DGKI: variants seen among roughly 807,000 people sequenced by gnomAD.
The protein encoded by DGKI is DAG kinase iota.
A neutral mutation model predicts 147.5 loss-of-function variants in DGKI; 55 were observed. The ratio of observed to expected loss-of-function variants is 0.37; its 90% CI spans 0.30 to 0.47. The LOEUF (loss-of-function observed/expected upper bound fraction) is 0.47. Among genes scored for constraint, DGKI ranks in the 20% least tolerant of loss-of-function variants. The pLI is 1.00. For synonymous variants in DGKI, 469 were observed against 477.1 expected (o/e 0.98, Z 0.22); for missense variants, 1,007 against 1,323.8 (o/e 0.76, Z 3.71).
At chr7:137,581,290 T>C (rs1447777480) in intron 15 of DGKI, among the ~76,000 whole-genome samples, 1 of 152,164 alleles carries the variant, frequency 6.6e-6, no homozygotes, top group Non-Finnish European at 1.5e-5. Flanking sequence ...GGATCCCTAG[T>C]ACCTTCCTAA....
chr7:137,713,677 T>C (rs1794283978), intron 1 of DGKI, among the ~76,000 whole-genome samples: 1 of 152,186 alleles, frequency 6.6e-6, no homozygotes, highest in South Asian at 2.1e-4. Flanking sequence ...GGTCTCTTTT[T>C]GTCACTCAAG....
At chr7:137,518,880 G>T (rs1434167725) in intron 21 of DGKI, among the ~76,000 whole-genome samples, 1 of 151,998 alleles carries the variant, frequency 6.6e-6, no homozygotes, top group Non-Finnish European at 1.5e-5. Flanking sequence ...GGACCCACTT[G>T]TATACTTCTG....
At chr7:137,609,871 T>C (rs1820308699) in intron 8 of DGKI, among the ~76,000 whole-genome samples, 1 of 151,972 alleles carries the variant, frequency 6.6e-6, no homozygotes, top group Admixed American at 6.6e-5. Context: ...TAACAACACA[T>C]GTTATACCTG....
intron 14 of DGKI, among the ~76,000 whole-genome samples, chr7:137,582,884 T>G (rs575051637): frequency 1.3e-5 from 2 of 152,270 alleles, no homozygotes; most frequent in South Asian, 4.1e-4. Flanking sequence ...AATATTAAAG[T>G]AAATAAAGAC....
At chr7:137,692,270 T>A (rs1208389579) in intron 1 of DGKI, among the ~76,000 whole-genome samples, 1 of 152,192 alleles carries the variant, frequency 6.6e-6, no homozygotes, top group African/African-American at 2.4e-5. Context: ...GAAAATCAGA[T>A]CTCTGAAGAG....
rs142086267 is a variant in DGKI, at chr7:137,479,383, A to G, written c.2373+5991T>C. Among the ~76,000 whole-genome samples, 383 of 152,304 alleles carry G rather than the reference A, an allele frequency of 2.5e-3. 6 individuals carry two copies. The highest frequency in any genetic ancestry group is 8.8e-3 in the African/African-American group (364 of 41,554). On this transcript the variant is annotated intron_variant, in intron 23 of 32. Coordinates refer to ENST00000614521, the MANE Select transcript of DGKI (RefSeq NM_001321708.2). ...GGAAAATACGTTTCTTGTGCTAAAA[A>G]TATAGGCACATGCACAAACACAAAA...
At chr7:137,774,444 TA>T (rs202073112) in intron 1 of DGKI, among the ~76,000 whole-genome samples, 49 of 151,678 alleles carry the variant, frequency 3.2e-4, no homozygotes, top group African/African-American at 1.0e-3. Flanking sequence ...TTCCCTACTG[TA>T]AAAAAAAATT....
chr7:137,526,109 T>C (rs1817136136), intron 20 of DGKI, among the ~76,000 whole-genome samples: 1 of 152,090 alleles, frequency 6.6e-6, no homozygotes, highest in African/African-American at 2.4e-5. Flanking sequence ...TGACTGAAGG[T>C]AGAGGATGAC....
chr7:137,620,512 G>A (rs542314865), intron 7 of DGKI, among the ~76,000 whole-genome samples: 2 of 152,198 alleles, frequency 1.3e-5, no homozygotes, highest in East Asian at 3.9e-4. Context: ...GAAGCATGAT[G>A]TCTCTTCTAC....
At chr7:137,546,014 C>T in intron 20 of DGKI, 2 of 697,272 alleles carry the variant, frequency 2.9e-6, no homozygotes, top group East Asian at 2.7e-5. Flanking sequence ...ACAGCGTGGA[C>T]AGACAAGGAA....
chr7:137,579,519 A>T (rs188134122), intron 15 of DGKI, among the ~76,000 whole-genome samples: 34 of 152,100 alleles, frequency 2.2e-4, no homozygotes, highest in African/African-American at 7.2e-4. Context: ...TTTACTATTT[A>T]AAAAAAGCAG....
intron 20 of DGKI, among the ~76,000 whole-genome samples, chr7:137,550,255 T>C (rs923073485): frequency 6.7e-6 from 1 of 150,128 alleles, no homozygotes; most frequent in Non-Finnish European, 1.5e-5. Flanking sequence ...AACTTCTGCC[T>C]TGTGGTCCTA....
At chr7:137,414,878 C>T (rs1359203931) in intron 28 of DGKI, among the ~76,000 whole-genome samples, 1 of 151,978 alleles carries the variant, frequency 6.6e-6, no homozygotes, top group South Asian at 2.1e-4. Context: ...TCTCCATTTG[C>T]AAATGAGGTT....
intron 28 of DGKI, among the ~76,000 whole-genome samples, chr7:137,431,812 C>T (rs1004294426): frequency 5.3e-5 from 8 of 152,190 alleles, no homozygotes; most frequent in Non-Finnish European, 1.0e-4. Context: ...CAAGTGACTC[C>T]AAACCATGGC....
chr7:137,522,069 G>C, intron 20 of DGKI, 103 bp from the exon 21 acceptor site: 1 of 787,390 alleles, frequency 1.3e-6, no homozygotes. Context: ...TGTTTAGAAG[G>C]AAGAGTTCAC....
At chr7:137,555,818 C>G (rs1818206008) in intron 19 of DGKI, among the ~76,000 whole-genome samples, 2 of 152,014 alleles carry the variant, frequency 1.3e-5, no homozygotes, top group Non-Finnish European at 2.9e-5. Context: ...TCCGTCCTAC[C>G]TAAATGTTAA....
Position 137,578,269 on chromosome 7 carries a change from C to A in DGKI, c.1698+1G>T. 1 of 1,602,916 alleles carries A rather than the reference C, an allele frequency of 6.2e-7. No homozygotes were observed. The highest frequency in any genetic ancestry group is 8.5e-7 in the Non-Finnish European group (1 of 1,169,928). ...AATTATGAAATAAAATGTATACCTA[C>A]CCCTGCATAGAACATTTTATTTCGA... On this transcript the variant is annotated splice_donor_variant, in intron 16 of 32. Coordinates refer to ENST00000614521, the MANE Select transcript of DGKI (RefSeq NM_001321708.2). LOFTEE classifies it high-confidence loss of function.
At chr7:137,551,861 C>G (rs1818056236) in intron 20 of DGKI, among the ~76,000 whole-genome samples, 1 of 151,996 alleles carries the variant, frequency 6.6e-6, no homozygotes, top group Non-Finnish European at 1.5e-5. Context: ...TGGAGGACCC[C>G]AAAATGGGAA....
At chr7:137,487,081 C>T (rs577556829) in intron 22 of DGKI, among the ~76,000 whole-genome samples, 9 of 152,044 alleles carry the variant, frequency 5.9e-5, no homozygotes, top group South Asian at 2.1e-4. Flanking sequence ...GTGCCATATA[C>T]GGGGTCACTT....
Sources: gnomAD v4.1 joint callset for allele counts (sites outside exome capture counted in the v4.1 genomes callset) on GRCh38, gnomAD v4.1.1 for gene constraint, MANE v1.5 for transcripts, NCBI Gene and HGNC (gene_info 2026-07-23, HGNC 2026-07-21) for gene names.